Variants in PCDH15 observed in about 807,000 individuals in gnomAD.
The protein encoded by PCDH15 is protocadherin related 15, also known as protocadherin-15.
PCDH15 carries 129 observed loss-of-function variants against 178.5 expected under a neutral mutation model. The observed-to-expected ratio is 0.72, with a 90% CI of 0.63 to 0.84. The LOEUF is 0.84. Ranked by LOEUF, PCDH15 falls within the 40% of genes least tolerant of loss-of-function variation. The pLI, the probability that PCDH15 is intolerant of heterozygous loss-of-function variation, is 0.00. For synonymous variants in PCDH15, 800 were observed against 732.0 expected (o/e 1.09, Z -1.50); for missense variants, 2,230 against 2,099.9 (o/e 1.06, Z -1.21).
intron 2 of PCDH15, among the ~76,000 whole-genome samples, chr10:55,141,896 A>G (rs7900671): frequency 0.9 from 136,902 of 151,906 alleles, 62,383 homozygotes; most frequent in Non-Finnish European, 0.97. Flanking sequence ...TTTAAGGTAC[A>G]TCTTTTGTGG....
intron 2 of PCDH15, among the ~76,000 whole-genome samples, chr10:54,595,436 G>GA (rs755331329): frequency 6.6e-6 from 1 of 151,576 alleles, no homozygotes; most frequent in Non-Finnish European, 1.5e-5. Context: ...TAGAATAAAA[G>GA]AAAAAAAATC....
Position 55,555,316 on chromosome 10 carries a change from C to T in PCDH15, c.-156+72309G>A, listed in dbSNP as rs369264839. On this transcript the variant is annotated intron_variant, in intron 2 of 5. Coordinates refer to the PCDH15 transcript ENST00000613346. ...TATAATTTTCCCTTGTTCAAAAGCT[C>T]ATCAGTAGAGCTGAGCCCTAAAGCT... 5.3e-5 allele frequency among the ~76,000 whole-genome samples: 8 copies of T among 152,206 alleles called. No homozygotes were observed. In the South Asian group the frequency reaches 6.2e-4, roughly 12 times the overall value.
At chr10:54,330,709 C>T (rs1314538256) in intron 6 of PCDH15, among the ~76,000 whole-genome samples, 1 of 151,776 alleles carries the variant, frequency 6.6e-6, no homozygotes, top group Non-Finnish European at 1.5e-5. Context: ...TATAAGCAGC[C>T]CTCAGTGTAA....
At chr10:55,101,519 T>A (rs1779259) in intron 2 of PCDH15, among the ~76,000 whole-genome samples, 12,512 of 152,062 alleles carry the variant, frequency 0.082, 1,603 homozygotes, top group African/African-American at 0.27. Context: ...AAATCTAATG[T>A]ACATTCTGGA....
chr10:54,703,394 GA>G (rs370714314), intron 1 of PCDH15, among the ~76,000 whole-genome samples: 6 of 151,334 alleles, frequency 4.0e-5, no homozygotes, highest in Non-Finnish European at 8.8e-5. Flanking sequence ...TAAGGCAAGG[GA>G]AAAAAAATAA....
chr10:53,854,222 T>C (rs1262313575), intron 28 of PCDH15, among the ~76,000 whole-genome samples: 2 of 151,988 alleles, frequency 1.3e-5, no homozygotes. Context: ...AATTTATACA[T>C]GTAGGAAGAC....
At chr10:55,293,961 T>G (rs936205423) in intron 1 of PCDH15, among the ~76,000 whole-genome samples, 2 of 152,168 alleles carry the variant, frequency 1.3e-5, no homozygotes, top group African/African-American at 2.4e-5. Context: ...AGCAATTTAA[T>G]GTATTATTTC....
intron 2 of PCDH15, among the ~76,000 whole-genome samples, chr10:55,405,081 C>T (rs1488946776): frequency 6.6e-6 from 1 of 151,056 alleles, no homozygotes; most frequent in Non-Finnish European, 1.5e-5. Flanking sequence ...GATTATATTG[C>T]CACACTATTT....
chr10:55,292,659 G>C (rs1042954718), intron 1 of PCDH15, among the ~76,000 whole-genome samples: 3 of 152,172 alleles, frequency 2.0e-5, no homozygotes, highest in African/African-American at 7.2e-5. Flanking sequence ...TGGGATTAGA[G>C]GTGTGAGCCA....
chr10:54,240,003 C>T (rs1436683219), intron 8 of PCDH15, among the ~76,000 whole-genome samples: 1 of 151,988 alleles, frequency 6.6e-6, no homozygotes, highest in African/African-American at 2.4e-5. Context: ...AAATATTTAA[C>T]ATATTTTATA....
intron 18 of PCDH15, among the ~76,000 whole-genome samples, chr10:54,049,485 T>G (rs1467139728): frequency 1.3e-5 from 2 of 152,224 alleles, no homozygotes; most frequent in East Asian, 3.9e-4. Context: ...TCATGTTCAG[T>G]ATGATGTTGG....
chr10:54,003,037 C>T (rs1417483506), intron 20 of PCDH15, among the ~76,000 whole-genome samples: 5 of 152,080 alleles, frequency 3.3e-5, no homozygotes, highest in East Asian at 1.9e-4. Flanking sequence ...CTTCATTCTT[C>T]GAAGTTAGCA....
intron 2 of PCDH15, among the ~76,000 whole-genome samples, chr10:55,007,949 T>C (rs1275916234): frequency 6.6e-6 from 1 of 152,162 alleles, no homozygotes; most frequent in African/African-American, 2.4e-5. Context: ...TTACAACTTA[T>C]AAAAGACATT....
chr10:53,835,455 A>G (rs2077252003), intron 29 of PCDH15, among the ~76,000 whole-genome samples: 1 of 152,198 alleles, frequency 6.6e-6, no homozygotes, highest in Admixed American at 6.5e-5. Context: ...TATTAACAGC[A>G]ACAACAAAAT....
chr10:54,939,491 T>C (rs1838001672), intron 2 of PCDH15, among the ~76,000 whole-genome samples: 1 of 25,826 alleles, frequency 3.9e-5, no homozygotes, highest in South Asian at 1.1e-3. Flanking sequence ...TGAGACTCCG[T>C]CTCAAAAAAA....
intron 2 of PCDH15, among the ~76,000 whole-genome samples, chr10:55,450,065 A>C (rs2132079696): frequency 6.6e-6 from 1 of 152,270 alleles, no homozygotes; most frequent in South Asian, 2.1e-4. Context: ...TTATTTAGAA[A>C]ATCCTTCTGA....
rs376843404 is a variant in PCDH15 at position 55,238,352 on chromosome 10, A to G, written c.-155-71701T>C. Among the ~76,000 whole-genome samples the G allele has an allele frequency of 7.5e-3, 1,131 of 151,778 alleles. 13 individuals are homozygous for G. The highest frequency in any genetic ancestry group is 0.026 in the African/African-American group (1,074 of 41,418). On this transcript the variant is annotated intron_variant, in intron 1 of 5. Coordinates refer to the PCDH15 transcript ENST00000458638. ...TTTTTAGTAGAGACGGGGTTTCACCATGTTAGCCAGGATGGTCTCGATCTC... is the reference window on the plus strand; with the variant it reads ...TTTTTAGTAGAGACGGGGTTTCACCGTGTTAGCCAGGATGGTCTCGATCTC...
At chr10:54,537,818 G>A (rs183244308) in intron 2 of PCDH15, among the ~76,000 whole-genome samples, 87 of 152,122 alleles carry the variant, frequency 5.7e-4, no homozygotes, top group Admixed American at 2.0e-3. Flanking sequence ...TTTGACTGGT[G>A]TGAGGTAGTA....
At chr10:54,861,703 C>G (rs1319535214) in intron 3 of PCDH15, among the ~76,000 whole-genome samples, 1 of 152,176 alleles carries the variant, frequency 6.6e-6, no homozygotes, top group Non-Finnish European at 1.5e-5. Context: ...CCAGAGCATT[C>G]AGGCAAGAGA....
Sources: allele counts gnomAD v4.1 joint callset (sites outside exome capture counted in the v4.1 genomes callset), GRCh38; gene constraint gnomAD v4.1.1; transcripts MANE v1.5; gene names NCBI Gene and HGNC (gene_info 2026-07-23, HGNC 2026-07-21).